NRG1: variants seen among roughly 807,000 people sequenced by gnomAD.
The protein encoded by NRG1 is neuregulin 1.
A neutral mutation model predicts 63.8 loss-of-function variants in NRG1; 18 were observed. The observed-to-expected ratio is 0.28, with a 90% CI of 0.19 to 0.42. NRG1 has a LOEUF of 0.42. NRG1 is among the 10% of genes least tolerant of loss of function. The pLI is 1.00. For synonymous variants in NRG1, 302 were observed against 301.3 expected (o/e 1.00, Z -0.02); for missense variants, 762 against 814.7 (o/e 0.94, Z 0.79).
intron 1 of NRG1, among the ~76,000 whole-genome samples, chr8:31,686,471 G>GT (rs996600579): frequency 6.3e-4 from 95 of 151,888 alleles, no homozygotes; most frequent in African/African-American, 2.2e-3. Flanking sequence ...ACTAATGGTA[G>GT]TTTTTTTTCT....
chr8:31,989,824 G>C (rs141338114), intron 1 of NRG1, among the ~76,000 whole-genome samples: 9 of 152,188 alleles, frequency 5.9e-5, no homozygotes, highest in Non-Finnish European at 1.3e-4. Flanking sequence ...GGTCTTGGAA[G>C]AGTGGTTTGT....
chr8:31,799,823 A>G (rs763237007), intron 1 of NRG1, among the ~76,000 whole-genome samples: 1 of 152,222 alleles, frequency 6.6e-6, no homozygotes, highest in Non-Finnish European at 1.5e-5. Flanking sequence ...TAATACCGTC[A>G]CAGCTCTGAT....
At chr8:31,936,739 TAC>T (rs1427803646) in intron 1 of NRG1, among the ~76,000 whole-genome samples, 6 of 152,214 alleles carry the variant, frequency 3.9e-5, no homozygotes, top group Admixed American at 3.9e-4. Flanking sequence ...GTTCATCACG[TAC>T]AGAGTACAAC....
chr8:32,118,661 T>C (rs1833055859), intron 1 of NRG1, among the ~76,000 whole-genome samples: 1 of 152,168 alleles, frequency 6.6e-6, no homozygotes, highest in Non-Finnish European at 1.5e-5. Flanking sequence ...GTATTTATTT[T>C]GGTGCTTTAA....
intron 1 of NRG1, among the ~76,000 whole-genome samples, chr8:31,815,950 G>C (rs1246209190): frequency 6.6e-6 from 1 of 151,834 alleles, no homozygotes; most frequent in East Asian, 1.9e-4. Context: ...AGTCATTTCT[G>C]TATCTCCTTT....
chr8:32,503,991 G>A (rs1191765846), intron 1 of NRG1, among the ~76,000 whole-genome samples: 1 of 152,170 alleles, frequency 6.6e-6, no homozygotes, highest in African/African-American at 2.4e-5. Context: ...GGGTCCGCAT[G>A]CACAGTGTGT....
At chr8:31,726,630 A>G (rs1813472635) in intron 1 of NRG1, among the ~76,000 whole-genome samples, 1 of 152,136 alleles carries the variant, frequency 6.6e-6, no homozygotes, top group Admixed American at 6.6e-5. Context: ...GGGGAGTGCT[A>G]GAAGTACCAA....
chr8:32,519,559 C>T (rs1054107430), intron 1 of NRG1, among the ~76,000 whole-genome samples: 1 of 151,882 alleles, frequency 6.6e-6, no homozygotes, highest in South Asian at 2.1e-4. Flanking sequence ...TAGAAATTTA[C>T]ACAAACCAGA....
chr8:32,511,437 A>C (rs899194906), intron 1 of NRG1, among the ~76,000 whole-genome samples: 2 of 148,302 alleles, frequency 1.3e-5, no homozygotes, highest in Non-Finnish European at 3.0e-5. Context: ...ATAGCCCTGA[A>C]TCCCCACAGA....
At chr8:32,087,761 G>A (rs1320427700) in intron 1 of NRG1, among the ~76,000 whole-genome samples, 20 of 152,046 alleles carry the variant, frequency 1.3e-4, no homozygotes, top group Admixed American at 9.2e-4. Context: ...GAGGCGCTGC[G>A]CCTAACCATA....
At chr8:31,651,909 C>T (rs1188923078) in intron 1 of NRG1, among the ~76,000 whole-genome samples, 1 of 152,118 alleles carries the variant, frequency 6.6e-6, no homozygotes, top group African/African-American at 2.4e-5. Context: ...TTCTTTTTGG[C>T]TCTCTATCTG....
intron 1 of NRG1, among the ~76,000 whole-genome samples, chr8:32,103,918 C>A (rs1830908424): frequency 1.3e-5 from 2 of 152,058 alleles, no homozygotes; most frequent in Non-Finnish European, 1.5e-5. Flanking sequence ...TTATACCAGG[C>A]TTACAGGGAG....
intron 1 of NRG1, among the ~76,000 whole-genome samples, chr8:32,101,933 GA>G (rs1400425146): frequency 2.0e-5 from 3 of 152,118 alleles, no homozygotes; most frequent in African/African-American, 7.2e-5. Flanking sequence ...ATTTTCAGTT[GA>G]AATATGCTTT....
intron 1 of NRG1, among the ~76,000 whole-genome samples, chr8:32,007,700 T>G (rs531363211): frequency 6.6e-6 from 1 of 152,072 alleles, no homozygotes; most frequent in Non-Finnish European, 1.5e-5. Context: ...GTCAATTCTA[T>G]AGGGTTTGCC....
intron 1 of NRG1, among the ~76,000 whole-genome samples, chr8:31,996,567 A>G (rs889861107): frequency 1.3e-5 from 2 of 151,834 alleles, no homozygotes; most frequent in Non-Finnish European, 2.9e-5. Flanking sequence ...CCTCTTCTCT[A>G]CCAAAAAATA....
chr8:32,402,921 T>C (rs1288767380), intron 1 of NRG1, among the ~76,000 whole-genome samples: 1 of 152,204 alleles, frequency 6.6e-6, no homozygotes, highest in Non-Finnish European at 1.5e-5. Context: ...GATTACTCTA[T>C]GTATTTTCGT....
chr8:32,341,726 T>C (rs1212400171), intron 1 of NRG1, among the ~76,000 whole-genome samples: 1 of 152,170 alleles, frequency 6.6e-6, no homozygotes, highest in Non-Finnish European at 1.5e-5. Flanking sequence ...CCAAGTTGTA[T>C]CGTTGAAGAG....
At chr8:32,772,084 T>A (rs1831863340), downstream of NRG1, among the ~76,000 whole-genome samples, 8 of 132,920 alleles carry the variant, frequency 6.0e-5, no homozygotes, top group Admixed American at 1.6e-4. Flanking sequence ...TATATATATA[T>A]ATATAAAATC....
intron 1 of NRG1, among the ~76,000 whole-genome samples, chr8:32,473,982 GC>G (rs1352396905): frequency 2.0e-5 from 3 of 152,078 alleles, no homozygotes; most frequent in African/African-American, 4.8e-5. Flanking sequence ...ACTGAGCCCA[GC>G]CCCACCCTTA....
Sources: allele counts gnomAD v4.1 joint callset (sites outside exome capture counted in the v4.1 genomes callset), GRCh38; gene constraint gnomAD v4.1.1; transcripts MANE v1.5; gene names NCBI Gene and HGNC (gene_info 2026-07-23, HGNC 2026-07-21).